TLE4: variants seen among roughly 807,000 people sequenced by gnomAD.
The protein encoded by TLE4 is transducin-like enhancer protein 4.
In TLE4, 8 loss-of-function variants were observed where a neutral mutation model predicts 92.8. That is an observed-to-expected ratio of 0.09 (90% CI 0.05 to 0.16). TLE4 has a LOEUF of 0.16. Among genes scored for constraint, TLE4 ranks in the 10% least tolerant of loss-of-function variants. TLE4 has a pLI of 1.00. For missense variants in TLE4, 675 were observed against 997.6 expected, an observed-to-expected ratio of 0.68 and a Z score of 4.36; for synonymous variants, 371 against 374.1, an observed-to-expected ratio of 0.99 and a Z score of 0.10.
At chr9:79,582,069 T>A (rs1293897665) in intron 4 of TLE4, among the ~76,000 whole-genome samples, 6 of 152,184 alleles carry the variant, frequency 3.9e-5, no homozygotes, top group Non-Finnish European at 8.8e-5. Flanking sequence ...TCCTGTGGCT[T>A]ATGAGAGTGC....
chr9:79,699,563 TGAAAAC>T (rs777616002), intron 8 of TLE4, among the ~76,000 whole-genome samples: 5 of 152,188 alleles, frequency 3.3e-5, no homozygotes, highest in African/African-American at 9.7e-5. Context: ...TTTATCTGTT[TGAAAAC>T]TGATTTACCC....
At chr9:79,575,144 A>G in intron 3 of TLE4, 1 of 362,566 alleles carries the variant, frequency 2.8e-6, no homozygotes, top group East Asian at 4.4e-5. Flanking sequence ...ATTTTCAGAA[A>G]GTTCAGCCAC....
chr9:79,634,403 G>A (rs577517019), intron 6 of TLE4, among the ~76,000 whole-genome samples: 1 of 152,062 alleles, frequency 6.6e-6, no homozygotes, highest in African/African-American at 2.4e-5. Context: ...ATACATTTAC[G>A]GATTTGTATT....
intron 4 of TLE4, among the ~76,000 whole-genome samples, chr9:79,598,248 CAAA>C (rs11460494): frequency 3.2e-5 from 2 of 62,720 alleles, no homozygotes; most frequent in African/African-American, 5.8e-5. Flanking sequence ...GACTCCGTCT[CAAA>C]AAAAAAAAAA....
intron 1 of TLE4, chr9:79,573,333 T>A: frequency 9.3e-7 from 1 of 1,077,398 alleles, no homozygotes; most frequent in Non-Finnish European, 1.1e-6. Flanking sequence ...CCCGACGCCA[T>A]GGCGCGGGTC....
At chr9:79,589,163 C>T (rs1418445138) in intron 4 of TLE4, among the ~76,000 whole-genome samples, 1 of 152,190 alleles carries the variant, frequency 6.6e-6, no homozygotes, top group East Asian at 1.9e-4. Flanking sequence ...GAAGAAAATA[C>T]TATTAAATTC....
At chr9:79,670,247 A>G (rs1252609704) in intron 8 of TLE4, among the ~76,000 whole-genome samples, 1 of 152,128 alleles carries the variant, frequency 6.6e-6, no homozygotes, top group Non-Finnish European at 1.5e-5. Flanking sequence ...CAAGAAGTTT[A>G]TCACCATTAA....
intron 8 of TLE4, among the ~76,000 whole-genome samples, chr9:79,673,652 G>A (rs1274071651): frequency 2.6e-5 from 4 of 152,062 alleles, no homozygotes; most frequent in East Asian, 3.8e-4. Flanking sequence ...GCCTATTTTA[G>A]TTTCTTATAC....
chr9:79,641,411 C>A (rs1298150042), intron 6 of TLE4, among the ~76,000 whole-genome samples: 1 of 152,118 alleles, frequency 6.6e-6, no homozygotes, highest in Non-Finnish European at 1.5e-5. Context: ...CAAAACCCAC[C>A]GTAGCCTAGA....
At chr9:79,689,352 GGGT>G (rs2066563496) in intron 8 of TLE4, among the ~76,000 whole-genome samples, 1 of 151,662 alleles carries the variant, frequency 6.6e-6, no homozygotes, top group Admixed American at 6.6e-5. Context: ...TAATCAGGCA[GGGT>G]TTACAATAGC....
chr9:79,619,777 G>A (rs1322584809), intron 5 of TLE4, among the ~76,000 whole-genome samples: 1 of 152,184 alleles, frequency 6.6e-6, no homozygotes, highest in Non-Finnish European at 1.5e-5. Flanking sequence ...TAATAGACAT[G>A]GATTGGGGCT....
At chr9:79,596,474 C>T (rs1319196089) in intron 4 of TLE4, among the ~76,000 whole-genome samples, 1 of 152,176 alleles carries the variant, frequency 6.6e-6, no homozygotes. Flanking sequence ...TGTGAGCTCA[C>T]TCCTTCCAAT....
chr9:79,592,128 C>CTTCTTCT (rs1249580007), intron 4 of TLE4, among the ~76,000 whole-genome samples: 223 of 144,610 alleles, frequency 1.5e-3, no homozygotes, highest in African/African-American at 3.4e-3. Flanking sequence ...TTTCTTCTTT[C>CTTCTTCT]TTCTTCTTTC....
At chr9:79,586,788 G>A (rs567002441) in intron 4 of TLE4, among the ~76,000 whole-genome samples, 1 of 152,272 alleles carries the variant, frequency 6.6e-6, no homozygotes, top group Admixed American at 6.5e-5. Flanking sequence ...GGAAGAATGT[G>A]GTTTTGGTTT....
chr9:79,645,626 T>C (rs907950966), intron 6 of TLE4, among the ~76,000 whole-genome samples: 20 of 152,202 alleles, frequency 1.3e-4, no homozygotes, highest in Non-Finnish European at 5.9e-5. Context: ...TGCAGGGAAA[T>C]CTTTGTTACA....
At chr9:79,677,152 T>C (rs527837367) in intron 8 of TLE4, among the ~76,000 whole-genome samples, 55 of 152,284 alleles carry the variant, frequency 3.6e-4, no homozygotes, top group African/African-American at 1.3e-3. Context: ...TCTATCTTAT[T>C]GGGTTATTAA....
At chr9:79,703,451 G>A (rs2070543375) in intron 8 of TLE4, among the ~76,000 whole-genome samples, 2 of 152,194 alleles carry the variant, frequency 1.3e-5, no homozygotes, top group South Asian at 4.1e-4. Flanking sequence ...CAGTTGTTAA[G>A]ATTGTTCCAG....
chr9:79,627,092 A>G (rs1397049817), intron 5 of TLE4, among the ~76,000 whole-genome samples: 2 of 152,136 alleles, frequency 1.3e-5, no homozygotes, highest in African/African-American at 4.8e-5. Flanking sequence ...GTCCAAGTGT[A>G]CCATAACTTT....
At chr9:79,677,607 C>A (rs2063507813) in intron 8 of TLE4, among the ~76,000 whole-genome samples, 1 of 91,922 alleles carries the variant, frequency 1.1e-5, no homozygotes, top group South Asian at 4.6e-4. Context: ...GTTGTTTCTT[C>A]ATTTTTTTTT....
Sources: gnomAD v4.1 joint callset for allele counts (sites outside exome capture counted in the v4.1 genomes callset) on GRCh38, gnomAD v4.1.1 for gene constraint, MANE v1.5 for transcripts, NCBI Gene and HGNC (gene_info 2026-07-23, HGNC 2026-07-21) for gene names.